The following SUMF1 variants were observed in gnomAD, a reference collection of about 807,000 sequenced individuals.
The protein encoded by SUMF1 is formylglycine-generating enzyme.
Under a neutral mutation model 47.6 loss-of-function variants are expected in SUMF1, and 48 were observed. That is an observed-to-expected ratio of 1.01 (90% confidence interval 0.80 to 1.28). The LOEUF (loss-of-function observed/expected upper bound fraction) is 1.28, where lower values mean the gene tolerates loss of function less well. SUMF1 is among the 50% of genes most tolerant of loss of function. The pLI is 0.00. For missense variants in SUMF1, 571 were observed against 485.4 expected, an observed-to-expected ratio of 1.18 and a Z score of -1.66; for synonymous variants, 230 against 192.1, an observed-to-expected ratio of 1.20 and a Z score of -1.63.
At chr3:4,198,956 A>C (rs1240132835) in intron 8 of SUMF1, among the ~76,000 whole-genome samples, 5 of 152,198 alleles carry the variant, frequency 3.3e-5, no homozygotes, top group Admixed American at 6.5e-5. Context: ...ATCCCTCTGA[A>C]ATGCTTCCTC....
At chr3:4,189,757 C>G (rs1392292946) in intron 8 of SUMF1, among the ~76,000 whole-genome samples, 1 of 152,156 alleles carries the variant, frequency 6.6e-6, no homozygotes, top group African/African-American at 2.4e-5. Context: ...CCATCTCCTC[C>G]TGCTCCCCCA....
chr3:4,316,002 G>A (rs1053028872), intron 8 of SUMF1, among the ~76,000 whole-genome samples: 1 of 139,650 alleles, frequency 7.2e-6, no homozygotes, highest in East Asian at 2.1e-4. Context: ...AGCCAAGACT[G>A]TACCACTGCA....
chr3:4,250,673 G>C (rs573557889), intron 8 of SUMF1, among the ~76,000 whole-genome samples: 1 of 152,076 alleles, frequency 6.6e-6, no homozygotes, highest in Non-Finnish European at 1.5e-5. Flanking sequence ...CTTAAAGTTG[G>C]AGCCAGTGCT....
intron 8 of SUMF1, among the ~76,000 whole-genome samples, chr3:4,236,998 A>T (rs1696424421): frequency 6.6e-6 from 1 of 152,078 alleles, no homozygotes; most frequent in Admixed American, 6.6e-5. Context: ...TACTGTATAT[A>T]CCCTTTTTAA....
intron 8 of SUMF1, among the ~76,000 whole-genome samples, chr3:4,279,586 C>T (rs1697487515): frequency 6.6e-6 from 1 of 151,726 alleles, no homozygotes; most frequent in East Asian, 1.9e-4. Context: ...GAGGAGATGC[C>T]ATTGAGCTGG....
rs1696646136 is a variant in SUMF1 at position 4,245,607 on chromosome 3, G to A, written c.1014+130723C>T. Among the ~76,000 whole-genome samples, 4 of 152,204 alleles carry A rather than the reference G, an allele frequency of 2.6e-5. No homozygotes were observed. In the South Asian group the frequency reaches 8.3e-4, roughly 32 times the overall value. On this transcript the variant is annotated intron_variant and NMD_transcript_variant, in intron 8 of 12. Transcript: ENST00000448413. ...TATATTGCTGCCTCATCCTTCCTCTGGAAGCTTCCTTCCAGAGGGTCACCC... is the reference window on the plus strand; with the variant it reads ...TATATTGCTGCCTCATCCTTCCTCTAGAAGCTTCCTTCCAGAGGGTCACCC...
At chr3:4,434,062 C>T (rs954933204) in intron 3 of SUMF1, among the ~76,000 whole-genome samples, 5 of 152,180 alleles carry the variant, frequency 3.3e-5, no homozygotes, top group African/African-American at 7.2e-5. Context: ...ATTCCACTTA[C>T]GTGAGGTACT....
intron 8 of SUMF1, chr3:4,316,404 C>T (rs1698647714): frequency 1.1e-5 from 17 of 1,574,254 alleles, no homozygotes; most frequent in African/African-American, 1.3e-5. Flanking sequence ...AGATGAGGAG[C>T]GTAGTGGCCG....
intron 7 of SUMF1, among the ~76,000 whole-genome samples, chr3:4,387,818 C>T (rs1700723107): frequency 6.6e-6 from 1 of 151,974 alleles, no homozygotes; most frequent in South Asian, 2.1e-4. Flanking sequence ...TTGGGACTTC[C>T]CCTGTGACCT....
chr3:4,227,212 C>T (rs2629268), intron 8 of SUMF1, among the ~76,000 whole-genome samples: 11 of 151,952 alleles, frequency 7.2e-5, no homozygotes, highest in Non-Finnish European at 1.6e-4. Flanking sequence ...CACACACTCT[C>T]ATTTCCTTGA....
intron 8 of SUMF1, among the ~76,000 whole-genome samples, chr3:4,215,266 C>T (rs1018858405): frequency 6.6e-6 from 1 of 152,094 alleles, no homozygotes; most frequent in African/African-American, 2.4e-5. Flanking sequence ...AAACATAATC[C>T]ATCACATAAA....
At chr3:4,308,435 CAT>C (rs1324217811) in intron 8 of SUMF1, among the ~76,000 whole-genome samples, 2 of 152,136 alleles carry the variant, frequency 1.3e-5, no homozygotes, top group Non-Finnish European at 2.9e-5. Flanking sequence ...TTGCCAGAAA[CAT>C]ATGTTGTTTT....
intron 8 of SUMF1, among the ~76,000 whole-genome samples, chr3:4,323,490 A>G (rs1384514302): frequency 6.6e-6 from 1 of 152,124 alleles, no homozygotes; most frequent in Admixed American, 6.5e-5. Context: ...ACTTGTGACT[A>G]CACTAAAAAG....
At chr3:4,365,019 A>G (rs1699902595) in intron 8 of SUMF1, among the ~76,000 whole-genome samples, 1 of 151,784 alleles carries the variant, frequency 6.6e-6, no homozygotes, top group South Asian at 2.1e-4. Flanking sequence ...CATGTAGTTG[A>G]GCGGTTTTGA....
intron 8 of SUMF1, among the ~76,000 whole-genome samples, chr3:4,147,780 C>G (rs1038125282): frequency 2.6e-5 from 4 of 152,094 alleles, no homozygotes; most frequent in African/African-American, 9.7e-5. Context: ...TCCTGTATAC[C>G]TAACCCAGCA....
chr3:4,325,599 A>G (rs982966499), intron 8 of SUMF1, among the ~76,000 whole-genome samples: 3 of 136,094 alleles, frequency 2.2e-5, no homozygotes, highest in African/African-American at 1.0e-4. Flanking sequence ...ATCTGTGTGT[A>G]TATATGTGTA....
At chr3:4,082,828 G>C (rs1317907122) in intron 8 of SUMF1, among the ~76,000 whole-genome samples, 8 of 152,064 alleles carry the variant, frequency 5.3e-5, no homozygotes, top group Non-Finnish European at 8.8e-5. Flanking sequence ...AGATGGAAAA[G>C]GAGGGTCTCT....
chr3:4,392,611 G>T (rs1010322502), intron 7 of SUMF1, among the ~76,000 whole-genome samples: 1 of 127,758 alleles, frequency 7.8e-6, no homozygotes, highest in African/African-American at 3.4e-5. Flanking sequence ...GTGTGTGTGT[G>T]TGTGTATATA....
At chr3:4,238,261 G>T (rs1696455256) in intron 8 of SUMF1, among the ~76,000 whole-genome samples, 1 of 151,988 alleles carries the variant, frequency 6.6e-6, no homozygotes, top group South Asian at 2.1e-4. Flanking sequence ...TGTCTTTATA[G>T]AATGATTTAT....
Sources: allele counts gnomAD v4.1 joint callset (sites outside exome capture counted in the v4.1 genomes callset), GRCh38; gene constraint gnomAD v4.1.1; transcripts MANE v1.5; gene names NCBI Gene and HGNC (gene_info 2026-07-23, HGNC 2026-07-21).